The following FAM131B variants were observed in gnomAD, a reference collection of about 807,000 sequenced individuals.
FAM131B encodes family with sequence similarity 131 member B.
In FAM131B, 19 loss-of-function variants were observed where a neutral mutation model predicts 42.0. That is an observed-to-expected ratio of 0.45 (90% confidence interval 0.32 to 0.66). The LOEUF (loss-of-function observed/expected upper bound fraction) is 0.66, where lower values mean the gene tolerates loss of function less well. Ranked by LOEUF, FAM131B falls within the 30% of genes least tolerant of loss-of-function variation. The pLI is 0.05. For missense variants in FAM131B, 370 were observed against 468.4 expected (o/e 0.79, Z 1.94); for synonymous variants, 183 against 177.6 (o/e 1.03, Z -0.24).
the FAM131B span, chr7:143,382,032 T>A: frequency 3.3e-6 from 2 of 604,494 alleles, no homozygotes; most frequent in African/African-American, 3.7e-5. Flanking sequence ...GGGTCCGTTT[T>A]CCGAAGTGTA....
the FAM131B span, chr7:143,381,259 G>C: frequency 1.9e-6 from 2 of 1,038,182 alleles, no homozygotes; most frequent in Non-Finnish European, 2.3e-6. Context: ...TCTGGGCGCC[G>C]CTCTCTCCCC....
the FAM131B span, among the ~76,000 whole-genome samples, chr7:143,370,556 C>T: frequency 5.5e-4 from 83 of 152,288 alleles, no homozygotes; most frequent in Non-Finnish European, 1.0e-3. Context: ...GACTAAAACC[C>T]GCCAAAACCG....
At chr7:143,374,704 G>C in the FAM131B span, among the ~76,000 whole-genome samples, 1 of 152,166 alleles carries the variant, frequency 6.6e-6, no homozygotes, top group East Asian at 1.9e-4. Flanking sequence ...TGACACTCCA[G>C]CCACACCTAC....
chr7:143,381,918 C>A, the FAM131B span: 1 of 894,832 alleles, frequency 1.1e-6, no homozygotes, highest in Non-Finnish European at 1.6e-6. Context: ...GATGTTCTTA[C>A]CTCATCGTGG....
At position 143,354,829 on chromosome 7, in the gene FAM131B, A is replaced by G. The variant is rs1266663350; in HGVS notation, c.*1721T>C. 1 of 152,320 alleles carries G rather than the reference A, an allele frequency of 6.6e-6. No homozygotes were observed. Among genetic ancestry groups the G allele is most frequent in the Non-Finnish European group, 1.5e-5 (1 of 68,144 alleles). 9.4% of individuals were successfully genotyped at this position (152,320 alleles called of 1,614,324 possible). ...CTGCTTGCATCCCAGAAGTGTGAGT[A>G]AGAGAGTATGAACTTGATGGCGGGA... On this transcript the variant is annotated 3_prime_UTR_variant, in exon 7 of 7. Coordinates refer to ENST00000443739, the MANE Select transcript of FAM131B (RefSeq NM_001031690.3).
chr7:143,363,948 CAAG>C (rs1297387843), upstream of FAM131B: 2 of 152,122 alleles, frequency 1.3e-5, no homozygotes, highest in Middle Eastern at 3.2e-3. Flanking sequence ...TGAAGATGTG[CAAG>C]AAGAAGACAC....
the FAM131B span, among the ~76,000 whole-genome samples, chr7:143,378,634 C>A: frequency 7.0e-6 from 1 of 142,496 alleles, no homozygotes; most frequent in Non-Finnish European, 1.5e-5. Context: ...AGTGCAGTGG[C>A]GTGATCTTGG....
In FAM131B at chr7:143,359,903, C is replaced by T; in HGVS notation, c.139-136G>A. The T allele has an allele frequency of 9.9e-7, 1 of 1,007,684 alleles. No homozygotes were observed. Among genetic ancestry groups the T allele is most frequent in the Non-Finnish European group, 1.5e-6 (1 of 656,388 alleles). The allele number at this position is 1,007,684 out of a possible 1,614,324, so 62.4% of individuals were successfully genotyped here. On this transcript the variant is annotated intron_variant, in intron 2 of 6. Coordinates refer to ENST00000443739, the MANE Select transcript of FAM131B (RefSeq NM_001031690.3). This position sits in a 1 kb window ranked among gnomAD's most constrained non-coding sequence, Gnocchi z 5.4. ...TGAGGTTGATGCCGCTAACTGGGTTCTCCATGTGGACTGCTTGGCATGTGT... is the reference window on the plus strand; with the variant it reads ...TGAGGTTGATGCCGCTAACTGGGTTTTCCATGTGGACTGCTTGGCATGTGT...
chr7:143,375,239 C>T, the FAM131B span, among the ~76,000 whole-genome samples: 45 of 152,326 alleles, frequency 3.0e-4, no homozygotes, highest in South Asian at 5.8e-3. Context: ...CAAATGTACA[C>T]AGCAAATGCA....
rs755800049 is a variant in FAM131B at position 143,358,884 on chromosome 7, C to G, written c.409G>C (p.Asp137His). The change falls in exon 5 of 7, where the codon GAT (aspartate) becomes CAT (histidine). Residue 137 changes from aspartate to histidine, a missense_variant. By Grantham distance (81) the Asp-to-His change is moderately conservative. Coordinates refer to ENST00000443739, the MANE Select transcript of FAM131B (RefSeq NM_001031690.3). This position sits in a 1 kb window ranked among gnomAD's most constrained non-coding sequence, Gnocchi z 4.7. Reference sequence around the variant, plus strand: ...CTGAGGTCGGAGTAGGCATCCGTATCCCTGCGCACGGACTCATGGCTGTGT... The same window carrying G: ...CTGAGGTCGGAGTAGGCATCCGTATGCCTGCGCACGGACTCATGGCTGTGT... ...PQHSHESVRRDTDAYSDLSDG... is the reference protein window; with the variant it reads ...PQHSHESVRRHTDAYSDLSDG... 45 of 1,614,028 alleles carry G rather than the reference C, an allele frequency of 2.8e-5. No homozygotes were observed. The highest frequency in any genetic ancestry group is 3.7e-5 in the Non-Finnish European group (44 of 1,180,030).
At position 143,358,759 on chromosome 7, in the gene FAM131B, A is replaced by G; in HGVS notation, c.466+68T>C. ...GATGGAGCTAATCCTGCCACAGGGG[A>G]TCAGGTTGGAGGGTCGGTCCCTGGC... On this transcript the variant is annotated intron_variant, in intron 5 of 6. Transcript: ENST00000443739. The surrounding 1 kb of genome is among the most constrained non-coding windows in gnomAD (Gnocchi z 4.7). The G allele has an allele frequency of 8.1e-7, 1 of 1,241,224 alleles. No homozygotes were observed. The highest frequency in any genetic ancestry group is 1.2e-6 in the Non-Finnish European group (1 of 857,148). 76.9% of individuals were successfully genotyped at this position (1,241,224 alleles called of 1,614,324 possible). A position where few individuals can be genotyped will look rare whatever the true frequency, so the allele number is the denominator to read the frequency against.
At position 143,356,800 on chromosome 7, in the gene FAM131B, G is replaced by C; in HGVS notation, c.833C>G (p.Pro278Arg). 1 of 1,614,152 alleles carries C rather than the reference G, an allele frequency of 6.2e-7. No individual in the cohort carries two copies. The highest frequency in any genetic ancestry group is 8.5e-7 in the Non-Finnish European group (1 of 1,180,036). Reference protein sequence around the residue: ...PASGYSALEPPPLLGGDTDWA... With the variant: ...PASGYSALEPRPLLGGDTDWA... ...GTCAGTGTCTCCCCCCAGCAAAGGTGGAGGCTCCAGAGCAGAGTATCCTGA... is the reference window on the plus strand; with the variant it reads ...GTCAGTGTCTCCCCCCAGCAAAGGTCGAGGCTCCAGAGCAGAGTATCCTGA... The change falls in exon 7 of 7, where the codon CCA (proline) becomes CGA (arginine). Residue 278 changes from proline (P) to arginine (R), a missense_variant. By Grantham distance (103) the Pro-to-Arg change is moderately radical (BLOSUM62 -2). Transcript: ENST00000443739. This position sits in a 1 kb window ranked among gnomAD's most constrained non-coding sequence, Gnocchi z 4.4.
chr7:143,369,689 A>AT, the FAM131B span, among the ~76,000 whole-genome samples: 1 of 150,828 alleles, frequency 6.6e-6, no homozygotes. Flanking sequence ...AAAAAAAAAA[A>AT]GTTTTAAGCG....
chr7:143,368,637 G>A, the FAM131B span, among the ~76,000 whole-genome samples: 2 of 152,202 alleles, frequency 1.3e-5, no homozygotes, highest in African/African-American at 4.8e-5. Context: ...CCCAGCTTCT[G>A]CCTCTGAACC....
chr7:143,364,277 G>A (rs1586545380), upstream of FAM131B: 2 of 139,392 alleles, frequency 1.4e-5, no homozygotes, highest in African/African-American at 5.5e-5. Flanking sequence ...GAAAGAAGAT[G>A]GAGAGATGAT....
chr7:143,380,749 T>C, the FAM131B span: 3 of 985,188 alleles, frequency 3.0e-6, no homozygotes, highest in Non-Finnish European at 2.4e-6. This position sits in a 1 kb window ranked among gnomAD's most constrained non-coding sequence, Gnocchi z 5.0. Context: ...TGGGGGGTGC[T>C]GGGAGGGAGA....
At chr7:143,378,079 C>T in the FAM131B span, among the ~76,000 whole-genome samples, 2 of 152,218 alleles carry the variant, frequency 1.3e-5, no homozygotes, top group Non-Finnish European at 2.9e-5. Context: ...ATTCTCTCAG[C>T]GTGTGCTGCT....
At chr7:143,373,512 G>A in the FAM131B span, among the ~76,000 whole-genome samples, 1 of 152,216 alleles carries the variant, frequency 6.6e-6, no homozygotes, top group Non-Finnish European at 1.5e-5. Flanking sequence ...ATAGCAATGA[G>A]AGTTCAAAGA....
At chr7:143,379,934 AC>A in the FAM131B span, 1 of 430,038 alleles carries the variant, frequency 2.3e-6, no homozygotes, top group Non-Finnish European at 3.1e-6. Context: ...CCTGGGTGTG[AC>A]CCGGGTCCAT....
Sources: gnomAD v4.1 joint callset for allele counts (sites outside exome capture counted in the v4.1 genomes callset) on GRCh38, gnomAD v4.1.1 for gene constraint, Gnocchi (gnomAD v3.1) non-coding constraint, MANE v1.5 for transcripts, NCBI Gene and HGNC (gene_info 2026-07-23, HGNC 2026-07-21) for gene names.